The following SIPA1L1 variants were observed in gnomAD, a reference collection of about 807,000 sequenced individuals.
SIPA1L1 encodes signal induced proliferation associated 1 like 1, also known as signal-induced proliferation-associated 1-like protein 1.
SIPA1L1 carries 26 observed loss-of-function variants against 162.7 expected under a neutral mutation model. The ratio of observed to expected loss-of-function variants is 0.16; its 90% CI spans 0.12 to 0.22. The LOEUF is 0.22. Among genes scored for constraint, SIPA1L1 ranks in the 10% least tolerant of loss-of-function variants. The pLI, the probability that SIPA1L1 is intolerant of heterozygous loss-of-function variation, is 1.00. For missense variants in SIPA1L1, 1,874 were observed against 2,241.0 expected (o/e 0.84, Z 3.31); for synonymous variants, 829 against 837.4 (o/e 0.99, Z 0.17).
intron 2 of SIPA1L1, among the ~76,000 whole-genome samples, chr14:71,348,176 A>G (rs1265995823): frequency 6.6e-6 from 1 of 152,210 alleles, no homozygotes; most frequent in East Asian, 1.9e-4. Flanking sequence ...TGATCACAAA[A>G]TGCATACACA....
chr14:71,665,943 G>A (rs1219859011), intron 10 of SIPA1L1, among the ~76,000 whole-genome samples: 1 of 151,970 alleles, frequency 6.6e-6, no homozygotes, highest in Non-Finnish European at 1.5e-5. Context: ...ACTATACCAC[G>A]GCTAACTGAA....
intron 2 of SIPA1L1, among the ~76,000 whole-genome samples, chr14:71,424,699 G>A (rs1033058510): frequency 8.6e-5 from 13 of 151,896 alleles, no homozygotes; most frequent in African/African-American, 2.7e-4. Context: ...TTTTTGCATC[G>A]GTATTCATTA....
intron 2 of SIPA1L1, among the ~76,000 whole-genome samples, chr14:71,440,979 A>G (rs1466950285): frequency 1.3e-5 from 2 of 152,168 alleles, no homozygotes; most frequent in Non-Finnish European, 2.9e-5. Flanking sequence ...ATTGTTTCTA[A>G]GTTCTTTAAA....
rs781253192 is a variant in SIPA1L1 at position 71,671,612 on chromosome 14, T to G, written c.2749T>G (p.Phe917Val). ...TTCAACTGACACCAGCCTCAAAATC[T>G]TCTATGAACGAGGAGAATGTGTTTC... ...WTSTDTSLKI[F>V]YERGECVSVG... Residue 917 changes from phenylalanine to valine, a missense_variant, in exon 11 of 24, where the codon TTC (phenylalanine) becomes GTC (valine). Phe to Val is a conservative substitution (Grantham distance 50). This residue lies in a region of SIPA1L1 where 243 missense variants were observed against 315.0 expected (regional missense o/e 0.77). Transcript: ENST00000381232. The G allele has an allele frequency of 6.2e-7, 1 of 1,614,162 alleles. No homozygotes were observed. The highest frequency in any genetic ancestry group is 2.2e-5 in the East Asian group (1 of 44,886).
chr14:71,506,162 C>G (rs2050650664), intron 2 of SIPA1L1, among the ~76,000 whole-genome samples: 1 of 152,056 alleles, frequency 6.6e-6, no homozygotes, highest in Non-Finnish European at 1.5e-5. Flanking sequence ...TTTGTTGCAC[C>G]ATAATTTTCT....
chr14:71,646,032 G>A (rs1810035308), intron 7 of SIPA1L1, among the ~76,000 whole-genome samples: 1 of 152,146 alleles, frequency 6.6e-6, no homozygotes, highest in African/African-American at 2.4e-5. Flanking sequence ...GGGAAGATGA[G>A]GTAAAATGCA....
chr14:71,563,563 T>C (rs907743095), intron 4 of SIPA1L1, among the ~76,000 whole-genome samples: 1 of 152,250 alleles, frequency 6.6e-6, no homozygotes, highest in African/African-American at 2.4e-5. Flanking sequence ...CTTCAAATGA[T>C]TTTGAGTGTA....
At chr14:71,398,158 G>A (rs1426230511) in intron 2 of SIPA1L1, among the ~76,000 whole-genome samples, 1 of 152,008 alleles carries the variant, frequency 6.6e-6, no homozygotes, top group Non-Finnish European at 1.5e-5. Flanking sequence ...TGGGACTACA[G>A]GCGCCTGCCA....
In SIPA1L1 at chr14:71,672,527, C is replaced by T. The variant is rs1292455971; in HGVS notation, c.3009C>T (p.Ala1003=). The change falls in exon 12 of 24, where the codon GCC becomes GCT. Residue 1003 remains alanine, a synonymous_variant. Coordinates refer to ENST00000381232, the MANE Select transcript of SIPA1L1 (RefSeq NM_001386936.1). ...TGGAGATCTGCAAGGTGGCGGTAGC[C>T]ACTCTGAGCCATGAGCAGATGATCG... ...RLVEICKVAV[A]TLSHEQMIDL... 1.2e-6 allele frequency: 2 copies of T among 1,613,794 alleles called. No individual in the cohort carries two copies. The highest frequency in any genetic ancestry group is 1.7e-6 in the Non-Finnish European group (2 of 1,179,904).
chr14:71,626,388 CTTT>C (rs538241511), intron 7 of SIPA1L1, among the ~76,000 whole-genome samples: 3 of 151,906 alleles, frequency 2.0e-5, no homozygotes, highest in African/African-American at 7.3e-5. Context: ...TAGCCTCTGT[CTTT>C]TTTTTATCTC....
chr14:71,579,528 A>G (rs772228754), intron 4 of SIPA1L1, among the ~76,000 whole-genome samples: 2 of 152,198 alleles, frequency 1.3e-5, no homozygotes, highest in African/African-American at 4.8e-5. Context: ...AGATCCCTTG[A>G]GGGAGAGAGG....
At chr14:71,436,013 A>G (rs1359096743) in intron 2 of SIPA1L1, among the ~76,000 whole-genome samples, 1 of 152,172 alleles carries the variant, frequency 6.6e-6, no homozygotes, top group Non-Finnish European at 1.5e-5. Context: ...TGATTTAACA[A>G]TTCAATTTTG....
At chr14:71,375,544 T>C (rs2039295202) in intron 2 of SIPA1L1, among the ~76,000 whole-genome samples, 1 of 152,158 alleles carries the variant, frequency 6.6e-6, no homozygotes, top group African/African-American at 2.4e-5. Context: ...AAATAAGAGA[T>C]TTTACTTCTT....
At chr14:71,682,419 A>G (rs1471779393) in intron 12 of SIPA1L1, among the ~76,000 whole-genome samples, 1 of 152,238 alleles carries the variant, frequency 6.6e-6, no homozygotes, top group Non-Finnish European at 1.5e-5. Flanking sequence ...TGCAGAGTTA[A>G]GTAAGAGACC....
chr14:71,680,207 A>T (rs975508811), intron 12 of SIPA1L1, among the ~76,000 whole-genome samples: 1 of 152,234 alleles, frequency 6.6e-6, no homozygotes, highest in East Asian at 1.9e-4. Flanking sequence ...GTAAAACAAC[A>T]GAAATTGTGA....
intron 2 of SIPA1L1, among the ~76,000 whole-genome samples, chr14:71,354,177 A>G (rs1461116214): frequency 1.3e-5 from 2 of 152,142 alleles, no homozygotes; most frequent in Non-Finnish European, 2.9e-5. Flanking sequence ...TGAGCATCAT[A>G]TCCTTAATCT....
At chr14:71,633,921 T>A (rs1567358975) in intron 7 of SIPA1L1, among the ~76,000 whole-genome samples, 1 of 152,084 alleles carries the variant, frequency 6.6e-6, no homozygotes, top group Non-Finnish European at 1.5e-5. Flanking sequence ...CAAAGAAATA[T>A]TTGGTAAGAA....
Position 71,650,249 on chromosome 14 carries a change from A to T in SIPA1L1, c.1819-86A>T, listed in dbSNP as rs370850825. 1,591 of 1,325,520 alleles carry T rather than the reference A, an allele frequency of 1.2e-3. 35 individuals are homozygous for T. The South Asian group carries it at 0.018, about 15-fold the overall frequency. The allele number at this position is 1,325,520 out of a possible 1,614,324, so 82.1% of individuals were successfully genotyped here. On this transcript the variant is annotated intron_variant, in intron 7 of 23. Transcript: ENST00000381232. ...GAAAGGTGTTAGCTATTTTCTGGGC[A>T]TGTGCCCTATAGGACCTTTTAGCAT...
intron 2 of SIPA1L1, among the ~76,000 whole-genome samples, chr14:71,425,781 A>G (rs375649777): frequency 6.6e-6 from 1 of 152,094 alleles, no homozygotes; most frequent in African/African-American, 2.4e-5. Context: ...TCCATCCATT[A>G]TTGAGAATGG....
Sources: gnomAD v4.1 joint callset for allele counts (sites outside exome capture counted in the v4.1 genomes callset) on GRCh38, gnomAD v4.1.1 for gene constraint, gnomAD v4.1.1 regional missense constraint, MANE v1.5 for transcripts, NCBI Gene and HGNC (gene_info 2026-07-23, HGNC 2026-07-21) for gene names.